Variants in RASGEF1B observed in about 807,000 individuals in gnomAD.
RASGEF1B encodes RasGEF domain family member 1B, also known as ras-GEF domain-containing family member 1B.
A neutral mutation model predicts 65.7 loss-of-function variants in RASGEF1B; 30 were observed. The ratio of observed to expected loss-of-function variants is 0.46; its 90% CI spans 0.34 to 0.62. RASGEF1B has a LOEUF of 0.62. Among genes scored for constraint, RASGEF1B ranks in the 20% least tolerant of loss-of-function variants. The probability of loss-of-function intolerance (pLI) is 0.01; values close to 1 mark genes in which losing one functional copy is unlikely to be tolerated. For missense variants in RASGEF1B, 495 were observed against 580.1 expected (o/e 0.85, Z 1.51); for synonymous variants, 175 against 194.8 (o/e 0.90, Z 0.85).
In RASGEF1B at chr4:81,427,659, C is replaced by T. The variant is rs1721272789; in HGVS notation, c.*109G>A. ...TTTGCTGACCCGGGTGCTCCAATGA[C>T]TGCAGGGTCTTCATGAGTGTTCGTG... On this transcript the variant is annotated 3_prime_UTR_variant, in exon 14 of 14. Transcript: ENST00000264400. 2 of 1,298,514 alleles carry T rather than the reference C, an allele frequency of 1.5e-6. No homozygotes were observed. Among genetic ancestry groups the T allele is most frequent in the South Asian group, 2.6e-5 (2 of 77,636 alleles). The allele number at this position is 1,298,514 out of a possible 1,614,324, so 80.4% of individuals were successfully genotyped here.
In RASGEF1B at chr4:81,445,637, TA is replaced by T; in HGVS notation, c.826-10del. The stretch of plus-strand genomic sequence containing the variant: ...TGTTTTTTCTTAACAGGCTACACAG[TA>T]AAAGACAATAGAGGGCAGTTATCCA... On this transcript the variant is annotated splice_polypyrimidine_tract_variant and intron_variant, in intron 7 of 13. Transcript: ENST00000264400. 6.2e-7 allele frequency: 1 copy of T among 1,605,492 alleles called. No individual in the cohort carries two copies. Among genetic ancestry groups the T allele is most frequent in the Non-Finnish European group, 8.5e-7 (1 of 1,172,254 alleles).
intron 10 of RASGEF1B, among the ~76,000 whole-genome samples, chr4:81,437,338 C>A (rs1336200613): frequency 6.6e-6 from 1 of 152,172 alleles, no homozygotes; most frequent in Non-Finnish European, 1.5e-5. Context: ...CATATTCATT[C>A]ATCTTCATAC....
intron 4 of RASGEF1B, chr4:81,456,297 T>C (rs1159018860): frequency 5.2e-6 from 3 of 580,078 alleles, no homozygotes; most frequent in Non-Finnish European, 9.1e-6. Context: ...CTAGTGTTTA[T>C]GTCTACTAAC....
intron 13 of RASGEF1B, among the ~76,000 whole-genome samples, chr4:81,430,181 G>C (rs1004154680): frequency 5.9e-5 from 9 of 152,280 alleles, no homozygotes; most frequent in Non-Finnish European, 7.4e-5. Context: ...GGCGCCTGTA[G>C]TCCCAGCTGC....
At chr4:81,428,131 T>C (rs1721291988) in intron 13 of RASGEF1B, among the ~76,000 whole-genome samples, 1 of 152,224 alleles carries the variant, frequency 6.6e-6, no homozygotes, top group Non-Finnish European at 1.5e-5. Context: ...TAGATTTACT[T>C]GGTAGATATA....
intron 8 of RASGEF1B, among the ~76,000 whole-genome samples, chr4:81,443,375 T>C (rs545097994): frequency 6.6e-6 from 1 of 152,276 alleles, no homozygotes; most frequent in East Asian, 1.9e-4. Context: ...GTATTACCAC[T>C]CCAATCAAGA....
rs576805071 is a variant in RASGEF1B at position 81,430,190 on chromosome 4, G to A, written c.1397+2109C>T. 6.6e-4 allele frequency among the ~76,000 whole-genome samples: 100 copies of A among 152,236 alleles called. 2 individuals are homozygous for A. The highest frequency in any genetic ancestry group is 2.3e-3 in the African/African-American group (95 of 41,548). On this transcript the variant is annotated intron_variant, in intron 13 of 13. Coordinates refer to ENST00000264400, the MANE Select transcript of RASGEF1B (RefSeq NM_152545.3). ...GTGGCGGGCGCCTGTAGTCCCAGCTGCTTGGGAGGCTGAAGCAGGAGAATG... is the reference window on the plus strand; with the variant it reads ...GTGGCGGGCGCCTGTAGTCCCAGCTACTTGGGAGGCTGAAGCAGGAGAATG...
chr4:81,464,010 G>T (rs964760340), intron 1 of RASGEF1B, among the ~76,000 whole-genome samples: 8 of 152,138 alleles, frequency 5.3e-5, no homozygotes, highest in African/African-American at 1.7e-4. Flanking sequence ...AAAGGCTCAG[G>T]GTAAGGTTGC....
intron 6 of RASGEF1B, among the ~76,000 whole-genome samples, chr4:81,446,650 A>AT (rs1722033051): frequency 6.6e-6 from 1 of 152,220 alleles, no homozygotes; most frequent in South Asian, 2.1e-4. Context: ...AGAAGTCTAC[A>AT]CCATCATGGT....
In RASGEF1B at chr4:81,442,391, TG is replaced by T; in HGVS notation, c.929-16del. 2 of 1,558,902 alleles carry T rather than the reference TG, an allele frequency of 1.3e-6. No individual in the cohort carries two copies. The highest frequency in any genetic ancestry group is 1.7e-4 in the Middle Eastern group (1 of 5,932). On this transcript the variant is annotated splice_polypyrimidine_tract_variant and intron_variant, in intron 8 of 13. Coordinates refer to ENST00000264400, the MANE Select transcript of RASGEF1B (RefSeq NM_152545.3). ...ATTCATACCAGCTTCCCATTTGAAA[TG>T]GAGGGGGAGAAAAAAGGAAAATTGA...
intron 1 of RASGEF1B, among the ~76,000 whole-genome samples, chr4:81,465,672 C>A (rs1252766085): frequency 6.6e-6 from 1 of 152,242 alleles, no homozygotes; most frequent in African/African-American, 2.4e-5. Flanking sequence ...TTTTTCTAAA[C>A]AGCAGACTGT....
At chr4:81,450,108 C>A (rs895381183) in intron 4 of RASGEF1B, among the ~76,000 whole-genome samples, 1 of 152,160 alleles carries the variant, frequency 6.6e-6, no homozygotes, top group African/African-American at 2.4e-5. Context: ...GTTTGTCACT[C>A]AAGGGAAATG....
chr4:81,463,041 C>T (rs557423342), intron 1 of RASGEF1B, among the ~76,000 whole-genome samples: 4 of 152,278 alleles, frequency 2.6e-5, no homozygotes, highest in East Asian at 1.9e-4. Context: ...ATTTATTACA[C>T]TACATTATGA....
At chr4:81,462,273 T>G (rs11721805) in intron 1 of RASGEF1B, among the ~76,000 whole-genome samples, 1 of 152,226 alleles carries the variant, frequency 6.6e-6, no homozygotes, top group African/African-American at 2.4e-5. Flanking sequence ...TTGTGTATTG[T>G]TTTTTGGAAC....
intron 4 of RASGEF1B, among the ~76,000 whole-genome samples, chr4:81,448,804 C>CTTTGG (rs1392053941): frequency 6.6e-6 from 1 of 151,970 alleles, no homozygotes; most frequent in East Asian, 1.9e-4. Context: ...GAACCACCTT[C>CTTTGG]TTTTGTTTTG....
chr4:81,461,624 C>G (rs527673313), intron 1 of RASGEF1B, among the ~76,000 whole-genome samples: 2 of 152,322 alleles, frequency 1.3e-5, no homozygotes, highest in African/African-American at 4.8e-5. Context: ...TTTCATTTCA[C>G]TTTCCTTTCA....
rs1401559066 is a variant in RASGEF1B at position 81,468,552 on chromosome 4, T to G, written c.-7+3218A>C. Among the ~76,000 whole-genome samples, 6 of 152,172 alleles carry G rather than the reference T, an allele frequency of 3.9e-5. No homozygotes were observed. In the East Asian group the frequency reaches 7.7e-4, roughly 20 times the overall value. Reference sequence around the variant, plus strand: ...AAGACAAATTTAAAAATTTAGTGGATAGTAATATTGATTTAATAGGCCAAA... The same window carrying G: ...AAGACAAATTTAAAAATTTAGTGGAGAGTAATATTGATTTAATAGGCCAAA... On this transcript the variant is annotated intron_variant, in intron 1 of 13. Transcript: ENST00000264400.
chr4:81,444,234 G>C (rs1578622257), intron 8 of RASGEF1B, among the ~76,000 whole-genome samples: 1 of 152,060 alleles, frequency 6.6e-6, no homozygotes, highest in Non-Finnish European at 1.5e-5. Context: ...GCTATGGCTT[G>C]CCTTGACATT....
In RASGEF1B at chr4:81,429,971, A is replaced by T. The variant is rs1387266458; in HGVS notation, c.1398-2179T>A. 2.6e-5 allele frequency among the ~76,000 whole-genome samples: 4 copies of T among 152,322 alleles called. No individual in the cohort carries two copies. The East Asian group carries it at 7.7e-4, about 29-fold the overall frequency. ...ACTGAGTGGCCCCACTCCAGTGTAA[A>T]AACATCTCCCTTTGGGCTCCCCCAT... On this transcript the variant is annotated intron_variant, in intron 13 of 13. Transcript: ENST00000264400.
Sources: gnomAD v4.1 joint callset for allele counts (sites outside exome capture counted in the v4.1 genomes callset) on GRCh38, gnomAD v4.1.1 for gene constraint, MANE v1.5 for transcripts, NCBI Gene and HGNC (gene_info 2026-07-23, HGNC 2026-07-21) for gene names.